ACTN1: variants seen among roughly 807,000 people sequenced by gnomAD.
ACTN1 encodes alpha-actinin-1.
A neutral mutation model predicts 119.6 loss-of-function variants in ACTN1; 30 were observed. That is an observed-to-expected ratio of 0.25 (90% CI 0.19 to 0.34). ACTN1 has a LOEUF of 0.34. Among genes scored for constraint, ACTN1 ranks in the 10% least tolerant of loss-of-function variants. The probability of loss-of-function intolerance (pLI) is 1.00; values close to 1 mark genes in which losing one functional copy is unlikely to be tolerated. For synonymous variants in ACTN1, 429 were observed against 472.6 expected, an observed-to-expected ratio of 0.91 and a Z score of 1.20; for missense variants, 764 against 1,223.4, an observed-to-expected ratio of 0.62 and a Z score of 5.60.
chr14:68,899,229 C>G (rs2033122817), intron 8 of ACTN1, among the ~76,000 whole-genome samples: 1 of 143,870 alleles, frequency 7.0e-6, no homozygotes, highest in Non-Finnish European at 1.5e-5. Context: ...ACACCACACC[C>G]CACACACACA....
At chr14:68,916,630 A>G (rs1374326061) in intron 3 of ACTN1, among the ~76,000 whole-genome samples, 1 of 152,104 alleles carries the variant, frequency 6.6e-6, no homozygotes, top group African/African-American at 2.4e-5. Context: ...CGGCTTCTCA[A>G]CGTTTGCAGC....
intron 1 of ACTN1, among the ~76,000 whole-genome samples, chr14:68,944,129 G>T (rs1449668872): frequency 3.3e-5 from 5 of 152,254 alleles, no homozygotes; most frequent in African/African-American, 1.2e-4. Context: ...GGACCTGCTG[G>T]CCCCCTGGGG....
Position 68,921,092 on chromosome 14 carries a change from A to G in ACTN1, c.254T>C (p.Met85Thr). 1 of 1,614,142 alleles carries G rather than the reference A, an allele frequency of 6.2e-7. No homozygotes were observed. Among genetic ancestry groups the G allele is most frequent in the South Asian group, 1.1e-5 (1 of 91,072 alleles). Reference protein sequence around the residue: ...ERLAKPERGKMRVHKISNVNK... With the variant: ...ERLAKPERGKTRVHKISNVNK... ...GACGTTGGAGATCTTGTGCACTCTC[A>G]TCTTGCCTCGCTCTGGCTTGGCCAA... Residue 85 changes from methionine to threonine, a missense_variant, in exon 3 of 22, where the codon ATG becomes ACG. Physicochemically the swap from Met to Thr is moderately conservative, Grantham distance 81. This residue lies in a region of ACTN1 where 54 missense variants were observed against 153.2 expected (regional missense o/e 0.35). Coordinates refer to ENST00000394419, the MANE Select transcript of ACTN1 (RefSeq NM_001130004.2).
chr14:68,903,877 A>G (rs1463291617), intron 7 of ACTN1, among the ~76,000 whole-genome samples: 1 of 152,210 alleles, frequency 6.6e-6, no homozygotes. Flanking sequence ...TAAGGTCAGC[A>G]GCCAGGAAGA....
intron 9 of ACTN1, 62 bp downstream of exon 9, chr14:68,893,593 G>T: frequency 1.4e-6 from 2 of 1,473,542 alleles, no homozygotes; most frequent in South Asian, 1.2e-5. Flanking sequence ...AGACTTGGAG[G>T]TACACGTTCT....
At chr14:68,970,246 G>C (rs948244673) in intron 1 of ACTN1, among the ~76,000 whole-genome samples, 5 of 152,044 alleles carry the variant, frequency 3.3e-5, no homozygotes. Context: ...CTCTGATTTA[G>C]GCCTGGAAGG....
chr14:68,929,430 C>A (rs2035107445), intron 1 of ACTN1, among the ~76,000 whole-genome samples: 1 of 147,054 alleles, frequency 6.8e-6, no homozygotes, highest in South Asian at 2.3e-4. Context: ...GGCCCAGCCG[C>A]ATTCAAACAA....
At chr14:68,949,140 C>A (rs577054121) in intron 1 of ACTN1, among the ~76,000 whole-genome samples, 1 of 152,240 alleles carries the variant, frequency 6.6e-6, no homozygotes, top group Non-Finnish European at 1.5e-5. Context: ...TTCACACTAA[C>A]CCTCTGGGAG....
At chr14:68,977,692 C>A (rs1256762882) in intron 1 of ACTN1, 3 of 308,052 alleles carry the variant, frequency 9.7e-6, no homozygotes, top group Non-Finnish European at 1.9e-5. Flanking sequence ...CTATAAACTA[C>A]CCCCCTTTTA....
At chr14:68,881,936 C>CCTTTTTTTTTTTTTTTTTTT (rs2031552165) in intron 16 of ACTN1, among the ~76,000 whole-genome samples, 7 of 58,394 alleles carry the variant, frequency 1.2e-4, no homozygotes, top group African/African-American at 7.4e-4. Context: ...TAGGCAGCTT[C>CCTTTTTTTTTTTTTTTTTTT]TTTTTTTTTT....
At chr14:68,938,184 A>G (rs900320042) in intron 1 of ACTN1, among the ~76,000 whole-genome samples, 11 of 152,186 alleles carry the variant, frequency 7.2e-5, no homozygotes, top group Non-Finnish European at 1.5e-4. Flanking sequence ...TGAAAAGCAG[A>G]GTCTTCGGGA....
chr14:68,949,979 T>C (rs1229999957), intron 1 of ACTN1, among the ~76,000 whole-genome samples: 1 of 152,164 alleles, frequency 6.6e-6, no homozygotes, highest in Non-Finnish European at 1.5e-5. Flanking sequence ...GTACAGAGTT[T>C]CAGTTTTACA....
chr14:68,954,452 C>A (rs1350270532), intron 1 of ACTN1, among the ~76,000 whole-genome samples: 1 of 152,092 alleles, frequency 6.6e-6, no homozygotes, highest in Non-Finnish European at 1.5e-5. Flanking sequence ...CTCAGCCTCC[C>A]GAGTAGCTGG....
chr14:68,959,094 C>A (rs901518850), intron 1 of ACTN1, among the ~76,000 whole-genome samples: 3 of 152,222 alleles, frequency 2.0e-5, no homozygotes, highest in African/African-American at 7.2e-5. Flanking sequence ...TCTGTGAAGA[C>A]CTCAGAAAAC....
intron 1 of ACTN1, among the ~76,000 whole-genome samples, chr14:68,971,292 G>A (rs1176126572): frequency 2.0e-5 from 3 of 152,214 alleles, no homozygotes; most frequent in Non-Finnish European, 2.9e-5. Flanking sequence ...TGAACTATTC[G>A]TCTTTGTACT....
intron 3 of ACTN1, among the ~76,000 whole-genome samples, chr14:68,916,373 G>A (rs1274077225): frequency 6.6e-6 from 1 of 152,190 alleles, no homozygotes; most frequent in Non-Finnish European, 1.5e-5. Context: ...CTTCTTTTTA[G>A]GGTCTTGCCT....
chr14:68,882,872 C>G lies in ACTN1; in HGVS notation c.1818+1G>C, dbSNP rs562792371. ...GGCTCGGCCCATGCCCTTCAACTCA[C>G]GTGGTCCCATTTGCCATTGATCTCC... is the stretch of plus-strand genomic sequence containing the variant. On this transcript the variant is annotated splice_donor_variant, in intron 15 of 21. Transcript: ENST00000394419. LOFTEE classifies it high-confidence loss of function. This position sits in a 1 kb window ranked among gnomAD's most constrained non-coding sequence, Gnocchi z 4.5. 6.2e-7 allele frequency: 1 copy of G among 1,614,032 alleles called. No homozygotes were observed. The highest frequency in any genetic ancestry group is 8.5e-7 in the Non-Finnish European group (1 of 1,179,900).
Position 68,887,901 on chromosome 14 carries a change from G to GT in ACTN1, c.1234+2237dup, listed in dbSNP as rs1415812781. 6.8e-6 allele frequency: 6 copies of GT among 888,648 alleles called. No individual in the cohort carries two copies. In the East Asian group the frequency reaches 1.5e-4, roughly 22 times the overall value. The allele number at this position is 888,648 out of a possible 1,614,324, so 55.0% of individuals were successfully genotyped here. ...GTTTCTTAGTTAGCCACTTCGGCCT[G>GT]TTTTCCCTTTGCTCCCTTTTTCCCT... is the stretch of plus-strand genomic sequence containing the variant. On this transcript the variant is annotated intron_variant, in intron 11 of 21. Transcript: ENST00000394419.
intron 1 of ACTN1, among the ~76,000 whole-genome samples, chr14:68,948,799 A>G (rs560241942): frequency 6.6e-6 from 1 of 152,316 alleles, no homozygotes; most frequent in East Asian, 1.9e-4. Flanking sequence ...ACAAAGAAAA[A>G]CAACCAGCAG....
Sources: gnomAD v4.1 joint callset for allele counts (sites outside exome capture counted in the v4.1 genomes callset) on GRCh38, gnomAD v4.1.1 for gene constraint, gnomAD v4.1.1 regional missense constraint, Gnocchi (gnomAD v3.1) non-coding constraint, MANE v1.5 for transcripts, NCBI Gene and HGNC (gene_info 2026-07-23, HGNC 2026-07-21) for gene names.